F13A1: variants seen among roughly 807,000 people sequenced by gnomAD.
F13A1 encodes FSF, A subunit.
F13A1 carries 47 observed loss-of-function variants against 80.1 expected under a neutral mutation model. The observed-to-expected ratio is 0.59, with a 90% CI of 0.46 to 0.75. F13A1 has a LOEUF of 0.75. Among genes scored for constraint, F13A1 ranks in the 30% least tolerant of loss-of-function variants. The pLI, the probability that F13A1 is intolerant of heterozygous loss-of-function variation, is 0.00. For synonymous variants in F13A1, 349 were observed against 344.9 expected (o/e 1.01, Z -0.13); for missense variants, 817 against 930.4 (o/e 0.88, Z 1.59).
intron 4 of F13A1, among the ~76,000 whole-genome samples, chr6:6,261,232 G>T (rs1005876542): frequency 2.6e-5 from 4 of 152,194 alleles, no homozygotes; most frequent in Admixed American, 6.5e-5. Flanking sequence ...CTCCCGAAGT[G>T]CTGGGATTAC....
At chr6:6,193,392 G>A (rs1426503270) in intron 10 of F13A1, among the ~76,000 whole-genome samples, 2 of 152,180 alleles carry the variant, frequency 1.3e-5, no homozygotes, top group Non-Finnish European at 2.9e-5. Context: ...GCAAGGACGA[G>A]GGAGAGCAGA....
chr6:6,161,265 CTCAGGCCACTGGCCCACT>C (rs959039997), intron 13 of F13A1, among the ~76,000 whole-genome samples: 1 of 152,160 alleles, frequency 6.6e-6, no homozygotes, highest in Non-Finnish European at 1.5e-5. Context: ...GAGGGCCACA[CTCAGGCCACTGGCCCACT>C]TCAGGCCAGT....
chr6:6,222,375 T>C (rs1757207903), intron 7 of F13A1, among the ~76,000 whole-genome samples: 1 of 152,218 alleles, frequency 6.6e-6, no homozygotes, highest in Non-Finnish European at 1.5e-5. Flanking sequence ...GTGTGATCCT[T>C]CAGAATTGCA....
At chr6:6,205,063 G>A (rs542609054) in intron 8 of F13A1, among the ~76,000 whole-genome samples, 6 of 152,328 alleles carry the variant, frequency 3.9e-5, no homozygotes, top group African/African-American at 9.6e-5. Flanking sequence ...AATGGAGGGC[G>A]CCATGGGCAT....
At chr6:6,154,424 C>T (rs896484088) in intron 13 of F13A1, among the ~76,000 whole-genome samples, 5 of 152,308 alleles carry the variant, frequency 3.3e-5, no homozygotes, top group Middle Eastern at 3.4e-3. Flanking sequence ...ACTGACATAT[C>T]GGGCTGGATG....
intron 10 of F13A1, among the ~76,000 whole-genome samples, chr6:6,190,930 G>A (rs1164250640): frequency 1.4e-4 from 21 of 150,356 alleles, no homozygotes; most frequent in Admixed American, 6.0e-4. Flanking sequence ...CTCGTGGTGC[G>A]CCGTTTTTTA....
At chr6:6,230,088 C>A (rs978581798) in intron 6 of F13A1, among the ~76,000 whole-genome samples, 3 of 152,164 alleles carry the variant, frequency 2.0e-5, no homozygotes, top group Admixed American at 6.5e-5. Context: ...GGGTGAGAAG[C>A]CTCCTGGCCA....
intron 3 of F13A1, among the ~76,000 whole-genome samples, chr6:6,274,455 A>G (rs1047056944): frequency 6.6e-6 from 1 of 152,196 alleles, no homozygotes; most frequent in Non-Finnish European, 1.5e-5. Context: ...CCTGGCTTTA[A>G]GAAGTGCACC....
chr6:6,234,203 A>G (rs1439290148), intron 6 of F13A1, among the ~76,000 whole-genome samples: 1 of 152,094 alleles, frequency 6.6e-6, no homozygotes, highest in Non-Finnish European at 1.5e-5. Flanking sequence ...TGAAAACCCC[A>G]AGGACTCCTC....
intron 3 of F13A1, among the ~76,000 whole-genome samples, chr6:6,291,531 C>A (rs1195144822): frequency 6.6e-6 from 1 of 152,130 alleles, no homozygotes; most frequent in African/African-American, 2.4e-5. Flanking sequence ...GGAATCTACC[C>A]GAGTTCAACC....
intron 12 of F13A1, 97 bp from the exon 13 acceptor site, chr6:6,167,715 G>A (rs1380214955): frequency 7.2e-7 from 1 of 1,396,878 alleles, no homozygotes; most frequent in African/African-American, 1.4e-5. Context: ...ACATTAGCCT[G>A]GAAGCCACCA....
chr6:6,274,406 G>T (rs12529193), intron 3 of F13A1, among the ~76,000 whole-genome samples: 21,903 of 152,218 alleles, frequency 0.14, 1,930 homozygotes, highest in Non-Finnish European at 0.19. Context: ...GAATCAGAAA[G>T]AAATCATAAG....
intron 6 of F13A1, among the ~76,000 whole-genome samples, chr6:6,234,467 C>G (rs2113078546): frequency 6.6e-6 from 1 of 152,044 alleles, no homozygotes; most frequent in South Asian, 2.1e-4. Context: ...AACCCAGGAA[C>G]AGAGACTCTG....
chr6:6,254,549 A>T (rs1757679318), intron 4 of F13A1, among the ~76,000 whole-genome samples: 1 of 152,192 alleles, frequency 6.6e-6, no homozygotes, highest in South Asian at 2.1e-4. Context: ...TGTGGTTTTA[A>T]AAAACCTAAA....
At chr6:6,291,645 C>T (rs1407476568) in intron 3 of F13A1, among the ~76,000 whole-genome samples, 1 of 152,122 alleles carries the variant, frequency 6.6e-6, no homozygotes, top group East Asian at 1.9e-4. Flanking sequence ...ACACACAACT[C>T]TCGTGGATTG....
intron 8 of F13A1, among the ~76,000 whole-genome samples, chr6:6,198,423 G>T (rs1288685327): frequency 6.6e-6 from 1 of 152,194 alleles, no homozygotes; most frequent in African/African-American, 2.4e-5. Flanking sequence ...AATGTGGTGA[G>T]GTAGTTACAG....
chr6:6,210,861 G>A (rs3024427), intron 8 of F13A1, among the ~76,000 whole-genome samples: 115 of 152,034 alleles, frequency 7.6e-4, no homozygotes, highest in African/African-American at 2.5e-3. Context: ...CCCAAGTAGC[G>A]GGGATTACAG....
At chr6:6,316,099 A>AGTTTTT in intron 2 of F13A1, among the ~76,000 whole-genome samples, 1 of 27,714 alleles carries the variant, frequency 3.6e-5, no homozygotes, top group Non-Finnish European at 6.3e-5. Context: ...ATATATATAT[A>AGTTTTT]TATATATATA....
intron 9 of F13A1, among the ~76,000 whole-genome samples, chr6:6,196,874 A>G (rs1009004705): frequency 1.3e-5 from 2 of 151,790 alleles, no homozygotes; most frequent in African/African-American, 4.9e-5. Context: ...CCTGCCTTAT[A>G]TCTTACCAGT....
Sources: allele counts gnomAD v4.1 joint callset (sites outside exome capture counted in the v4.1 genomes callset), GRCh38; gene constraint gnomAD v4.1.1; transcripts MANE v1.5; gene names NCBI Gene and HGNC (gene_info 2026-07-23, HGNC 2026-07-21).